The following CEP120 variants were observed in gnomAD, a reference collection of about 807,000 sequenced individuals.
CEP120 encodes the protein centrosomal protein of 120 kDa.
Under a neutral mutation model 126.5 loss-of-function variants are expected in CEP120, and 113 were observed. The observed-to-expected ratio is 0.89, with a 90% confidence interval of 0.77 to 1.04. The LOEUF (loss-of-function observed/expected upper bound fraction) is 1.04. Ranked by LOEUF, CEP120 falls within the 50% of genes least tolerant of loss-of-function variation. The pLI, the probability that CEP120 is intolerant of heterozygous loss-of-function variation, is 0.00. For synonymous variants in CEP120, 400 were observed against 394.3 expected (o/e 1.01, Z -0.17); for missense variants, 1,230 against 1,155.7 (o/e 1.06, Z -0.93).
In CEP120 at chr5:123,350,979, C is replaced by T. The variant is rs939540182; in HGVS notation, c.2581-890G>A. 3.3e-5 allele frequency among the ~76,000 whole-genome samples: 5 copies of T among 152,166 alleles called. No homozygotes were observed. In the South Asian group the frequency reaches 8.3e-4, roughly 25 times the overall value. ...CACACAGTTAGCTCAGGAATCCTTA[C>T]GTCATTTTCTTTTGTTTAGGACAGA... On this transcript the variant is annotated intron_variant, in intron 18 of 19. Coordinates refer to ENST00000306467, the MANE Select transcript of CEP120 (RefSeq NM_001375405.1).
intron 17 of CEP120, among the ~76,000 whole-genome samples, chr5:123,369,281 T>C (rs2127013256): frequency 6.6e-6 from 1 of 152,096 alleles, no homozygotes; most frequent in East Asian, 1.9e-4. Context: ...GTTTAGCATT[T>C]TACAAATATT....
At position 123,416,139 on chromosome 5, in the gene CEP120, G is replaced by A. The variant is rs1774376475; in HGVS notation, c.207-15C>T. The A allele has an allele frequency of 2.0e-6, 3 of 1,477,810 alleles. No individual in the cohort carries two copies. In the East Asian group the frequency reaches 6.8e-5, roughly 34 times the overall value. 91.5% of individuals were successfully genotyped at this position (1,477,810 alleles called of 1,614,324 possible). ...TACGCTGTAGCCTATAACAAAACAT[G>A]TGATAAATAAAATGGTTTTTGCTTA... On this transcript the variant is annotated splice_polypyrimidine_tract_variant and intron_variant, in intron 2 of 19. Transcript: ENST00000306467.
intron 4 of CEP120, chr5:123,401,546 T>C (rs1156524636): frequency 2.3e-6 from 3 of 1,326,688 alleles, no homozygotes; most frequent in Non-Finnish European, 3.2e-6. Context: ...CTCCTCGTAC[T>C]GTGCCTTGAC....
intron 19 of CEP120, among the ~76,000 whole-genome samples, chr5:123,349,473 T>C (rs1020660949): frequency 4.2e-4 from 64 of 152,306 alleles, no homozygotes; most frequent in African/African-American, 1.5e-3. Context: ...TTATACTTTA[T>C]ATAAGTGAAG....
chr5:123,384,197 T>G (rs1771861150), intron 11 of CEP120, among the ~76,000 whole-genome samples: 1 of 152,096 alleles, frequency 6.6e-6, no homozygotes, highest in Admixed American at 6.6e-5. Context: ...GAAAGATTCT[T>G]CAATAATAGG....
At chr5:123,370,621 G>A (rs2127016563) in intron 17 of CEP120, among the ~76,000 whole-genome samples, 1 of 150,852 alleles carries the variant, frequency 6.6e-6, no homozygotes, top group East Asian at 2.0e-4. Flanking sequence ...GGGACAACAG[G>A]TATGTGCCAC....
chr5:123,374,194 C>T (rs973495315), intron 16 of CEP120, among the ~76,000 whole-genome samples: 1 of 151,872 alleles, frequency 6.6e-6, no homozygotes, highest in Admixed American at 6.6e-5. Flanking sequence ...TGGTTCAATT[C>T]CTTCATACTA....
intron 4 of CEP120, chr5:123,403,352 T>C (rs1258375384): frequency 2.2e-6 from 1 of 454,068 alleles, no homozygotes; most frequent in Non-Finnish European, 4.4e-6. Flanking sequence ...TGCCTGAAAA[T>C]ATTTGTTGAT....
intron 18 of CEP120, among the ~76,000 whole-genome samples, chr5:123,350,522 T>C (rs1473413756): frequency 6.6e-6 from 1 of 152,188 alleles, no homozygotes; most frequent in African/African-American, 2.4e-5. Flanking sequence ...ACAACGGAAG[T>C]TGAAGGCAAG....
intron 4 of CEP120, among the ~76,000 whole-genome samples, chr5:123,409,853 AG>A (rs1355208210): frequency 2.0e-5 from 3 of 151,702 alleles, no homozygotes; most frequent in African/African-American, 7.2e-5. Flanking sequence ...GCTACTCAGG[AG>A]GCTGAGGCAG....
rs75744800 is a variant in CEP120 at position 123,386,676 on chromosome 5, TAA to T, written c.1431-11_1431-10del. On this transcript the variant is annotated splice_polypyrimidine_tract_variant and intron_variant, in intron 9 of 19. Coordinates refer to ENST00000306467, the MANE Select transcript of CEP120 (RefSeq NM_001375405.1). ...AGAATGGATATGAGTACCTAGAATT[TAA>T]AAAAAAAAAAAAAAAAAAAAGCCTT... is the stretch of plus-strand genomic sequence containing the variant. 27,717 of 599,602 alleles carry T rather than the reference TAA, an allele frequency of 0.046. No homozygotes were observed. Among genetic ancestry groups the T allele is most frequent in the East Asian group, 0.091 (1,562 of 17,146 alleles). 37.1% of individuals were successfully genotyped at this position (599,602 alleles called of 1,614,324 possible).
rs1770933677 is a variant in CEP120 at position 123,372,718 on chromosome 5, T to C, written c.2413A>G (p.Lys805Glu). Residue 805 changes from lysine (K) to glutamate (E), a missense_variant, in exon 17 of 20, where the codon AAG becomes GAG. By Grantham distance (56) the Lys-to-Glu change is moderately conservative (BLOSUM62 1). Coordinates refer to ENST00000306467, the MANE Select transcript of CEP120 (RefSeq NM_001375405.1). Reference protein sequence around the residue: ...KILEKEFQQFKDQQNNKPEIR... With the variant: ...KILEKEFQQFEDQQNNKPEIR... ...TCTGGTTTGTTGTTTTGCTGGTCCT[T>C]GAACTGTTGGAACTCTTTTTCCAAA... The C allele has an allele frequency of 6.2e-7, 1 of 1,610,196 alleles. No individual in the cohort carries two copies. Among genetic ancestry groups the C allele is most frequent in the Non-Finnish European group, 8.5e-7 (1 of 1,178,006 alleles).
chr5:123,354,466 C>A (rs1054893377), intron 18 of CEP120, among the ~76,000 whole-genome samples: 5 of 152,076 alleles, frequency 3.3e-5, no homozygotes, highest in African/African-American at 1.2e-4. Flanking sequence ...TCTGTTTGCA[C>A]CATCAGTTCT....
chr5:123,415,977 A>G (rs1320421466), intron 3 of CEP120, 33 bp downstream of exon 3: 9 of 1,369,864 alleles, frequency 6.6e-6, no homozygotes, highest in African/African-American at 1.4e-5. Flanking sequence ...ACTGTCTAAC[A>G]TAATCATTAG....
chr5:123,374,939 A>G (rs1375625342), intron 16 of CEP120, among the ~76,000 whole-genome samples: 1 of 152,154 alleles, frequency 6.6e-6, no homozygotes, highest in East Asian at 1.9e-4. Context: ...TCCACAAACT[A>G]CAGATTTGAG....
intron 16 of CEP120, among the ~76,000 whole-genome samples, chr5:123,374,096 T>C (rs751962203): frequency 6.6e-6 from 1 of 152,144 alleles, no homozygotes; most frequent in African/African-American, 2.4e-5. Context: ...TCAATTTTAA[T>C]GTAGCATTTC....
At chr5:123,400,329 GATCAA>G (rs1773096945) in intron 4 of CEP120, among the ~76,000 whole-genome samples, 1 of 151,782 alleles carries the variant, frequency 6.6e-6, no homozygotes, top group Admixed American at 6.6e-5. Context: ...GTTGTTGAAA[GATCAA>G]ATCAAATAAT....
chr5:123,423,264 G>C lies in CEP120; in HGVS notation c.-266C>G. 4.1e-6 allele frequency: 2 copies of C among 482,816 alleles called. No individual in the cohort carries two copies. The highest frequency in any genetic ancestry group is 7.4e-6 in the Non-Finnish European group (2 of 271,408). The allele number at this position is 482,816 out of a possible 1,614,324, so 29.9% of individuals were successfully genotyped here. A position where few individuals can be genotyped will look rare whatever the true frequency, so the allele number is the denominator to read the frequency against. ...CCTGCCAGTCTGCAAGCAGAGACAA[G>C]CCCGCCACCCGAGGACCTTTTGCCG... is the stretch of plus-strand genomic sequence containing the variant. On this transcript the variant is annotated 5_prime_UTR_variant, in exon 1 of 20. Transcript: ENST00000306467.
chr5:123,415,879 G>A (rs2127135199), intron 3 of CEP120, 131 bp downstream of exon 3: 6 of 521,798 alleles, frequency 1.1e-5, no homozygotes, highest in South Asian at 3.4e-5. Flanking sequence ...AAAAAAAAAA[G>A]AACTGCCATA....
Sources: allele counts gnomAD v4.1 joint callset (sites outside exome capture counted in the v4.1 genomes callset), GRCh38; gene constraint gnomAD v4.1.1; transcripts MANE v1.5; gene names NCBI Gene and HGNC (gene_info 2026-07-23, HGNC 2026-07-21).